SHROOM2: variants seen among roughly 807,000 people sequenced by gnomAD.
SHROOM2 encodes shroom family member 2, also known as protein Shroom2.
SHROOM2 carries 33 observed loss-of-function variants against 75.9 expected under a neutral mutation model. The observed-to-expected ratio is 0.43, with a 90% CI of 0.33 to 0.58. The LOEUF (loss-of-function observed/expected upper bound fraction) is 0.58, where lower values mean the gene tolerates loss of function less well. Among genes scored for constraint, SHROOM2 ranks in the 20% least tolerant of loss-of-function variants. The pLI, the probability that SHROOM2 is intolerant of heterozygous loss-of-function variation, is 0.04. For synonymous variants in SHROOM2, 655 were observed against 663.6 expected, an observed-to-expected ratio of 0.99 and a Z score of 0.20; for missense variants, 1,434 against 1,461.2, an observed-to-expected ratio of 0.98 and a Z score of 0.30.
intron 5 of SHROOM2, among the ~76,000 whole-genome samples, chrX:9,928,200 C>G (rs2084613587): frequency 8.9e-6 from 1 of 112,299 alleles, no homozygotes; most frequent in Non-Finnish European, 1.9e-5. Flanking sequence ...CTCCATGTAG[C>G]AGATCTCTGA....
chrX:9,907,688 G>T (rs2084398942), intron 5 of SHROOM2, among the ~76,000 whole-genome samples: 1 of 111,966 alleles, frequency 8.9e-6, no homozygotes, highest in Non-Finnish European at 1.9e-5. Flanking sequence ...AGATATTGAT[G>T]ACTCAACAGA....
chrX:9,898,343 C>G (rs2084346716), intron 5 of SHROOM2, 53 bp downstream of exon 5: 2 of 930,476 alleles, frequency 2.1e-6, no homozygotes, highest in Middle Eastern at 2.8e-4. Flanking sequence ...GGGTGGGCTT[C>G]TGTACGATGG....
At chrX:9,881,119 G>A (rs920693408) in intron 2 of SHROOM2, among the ~76,000 whole-genome samples, 2 of 110,994 alleles carry the variant, frequency 1.8e-5, no homozygotes, top group African/African-American at 6.6e-5. Flanking sequence ...GAGTAGTTCC[G>A]ACGTCCAGAC....
At chrX:9,938,045 G>A (rs2084732726) in intron 7 of SHROOM2, among the ~76,000 whole-genome samples, 2 of 110,805 alleles carry the variant, frequency 1.8e-5, no homozygotes, top group Admixed American at 9.6e-5. Flanking sequence ...CTGTGGGGAG[G>A]GGTGTTCCAA....
intron 1 of SHROOM2, among the ~76,000 whole-genome samples, chrX:9,848,557 T>C (rs2084020673): frequency 1.0e-5 from 1 of 100,256 alleles, no homozygotes; most frequent in Admixed American, 1.1e-4. Flanking sequence ...AGTATCTAAG[T>C]ATTTAAGTTC....
At chrX:9,873,588 G>T in intron 1 of SHROOM2, 64 bp from the exon 2 acceptor site, 7 of 1,171,032 alleles carry the variant, frequency 6.0e-6, no homozygotes, top group Non-Finnish European at 8.1e-6. Context: ...GCGTTCCGAG[G>T]ACCTGCTCTG....
intron 1 of SHROOM2, among the ~76,000 whole-genome samples, chrX:9,822,055 CA>C (rs1413138072): frequency 8.9e-6 from 1 of 112,633 alleles, no homozygotes; most frequent in African/African-American, 3.2e-5. Context: ...TGTTAGAGCC[CA>C]TCCTGGGGCA....
chrX:9,945,069 A>G (rs1200819828), intron 9 of SHROOM2, among the ~76,000 whole-genome samples, 156 bp downstream of exon 9: 2 of 107,877 alleles, frequency 1.9e-5, no homozygotes, highest in Non-Finnish European at 3.8e-5. Flanking sequence ...TGCACGCTCT[A>G]TACCCTCTCC....
At chrX:9,810,323 A>G (rs929342028) in intron 1 of SHROOM2, among the ~76,000 whole-genome samples, 1 of 110,503 alleles carries the variant, frequency 9.0e-6, no homozygotes, top group African/African-American at 3.3e-5. Context: ...TGTCCCCTTG[A>G]CCTTAATCAC....
intron 5 of SHROOM2, among the ~76,000 whole-genome samples, chrX:9,927,127 TC>T (rs1214396978): frequency 9.1e-6 from 1 of 109,872 alleles, no homozygotes; most frequent in Non-Finnish European, 1.9e-5. Flanking sequence ...GGCAAAAGGA[TC>T]ACTTGAGCCC....
intron 1 of SHROOM2, among the ~76,000 whole-genome samples, chrX:9,830,889 G>C (rs1044902730): frequency 8.9e-6 from 1 of 111,830 alleles, no homozygotes; most frequent in Non-Finnish European, 1.9e-5. Flanking sequence ...ACAACCCCTA[G>C]TTTCTTAGAT....
At position 9,949,360 on chromosome X, in the gene SHROOM2, T is replaced by G. The variant is rs751829849; in HGVS notation, c.*2423T>G. ...GTCCACCACAGCAAATGTGTGTAGA[T>G]TTCATGCTCGACACTTACCACTCAC... On this transcript the variant is annotated 3_prime_UTR_variant, in exon 10 of 10. Coordinates refer to ENST00000380913, the MANE Select transcript of SHROOM2 (RefSeq NM_001649.4). 1 of 330,811 alleles carries G rather than the reference T, an allele frequency of 3.0e-6. No homozygotes were observed. The highest frequency in any genetic ancestry group is 2.6e-5 in the South Asian group (1 of 38,508). The allele number at this position is 330,811 out of a possible 1,213,427, so 27.3% of individuals were successfully genotyped here. A position where few individuals can be genotyped will look rare whatever the true frequency, so the allele number is the denominator to read the frequency against.
chrX:9,889,398 G>A (rs559699266), intron 2 of SHROOM2, among the ~76,000 whole-genome samples: 3 of 112,346 alleles, frequency 2.7e-5, no homozygotes, highest in African/African-American at 3.2e-5. Context: ...AAAGAGGCCC[G>A]CTTGAGCTCG....
chrX:9,851,241 T>A (rs764958941), intron 1 of SHROOM2, among the ~76,000 whole-genome samples: 43 of 110,949 alleles, frequency 3.9e-4, no homozygotes, highest in African/African-American at 1.1e-3. Context: ...ACTCATGGCG[T>A]CAAGCAGTCC....
Position 9,792,493 on chromosome X carries a change from C to T in SHROOM2, c.165+5783C>T, listed in dbSNP as rs374448088. On this transcript the variant is annotated intron_variant, in intron 1 of 9. Coordinates refer to ENST00000380913, the MANE Select transcript of SHROOM2 (RefSeq NM_001649.4). The stretch of plus-strand genomic sequence containing the variant: ...TGTTGTTGTTGTTGTTTTAAATCCC[C>T]AGCGTATTAAGTTGCAGGCAATGAG... Among the ~76,000 whole-genome samples, 11 of 106,627 alleles carry T rather than the reference C, an allele frequency of 1.0e-4. No individual in the cohort carries two copies. The East Asian group carries it at 2.9e-3, about 28-fold the overall frequency. 92.6% of individuals were successfully genotyped at this position (106,627 alleles called of 115,157 possible).
chrX:9,907,462 C>G (rs1026688747), intron 5 of SHROOM2, among the ~76,000 whole-genome samples: 4 of 111,128 alleles, frequency 3.6e-5, no homozygotes, highest in Non-Finnish European at 7.5e-5. Flanking sequence ...CCTCAGATCA[C>G]TTCCGGAATC....
chrX:9,828,361 G>C (rs989202813), intron 1 of SHROOM2, among the ~76,000 whole-genome samples: 1 of 112,236 alleles, frequency 8.9e-6, no homozygotes, highest in Non-Finnish European at 1.9e-5. Flanking sequence ...GGGCCTTCTC[G>C]AAGGATGCTT....
chrX:9,888,249 T>TCCTCAGTCTTC (rs377369044), intron 2 of SHROOM2, among the ~76,000 whole-genome samples: 2 of 111,995 alleles, frequency 1.8e-5, no homozygotes, highest in African/African-American at 6.5e-5. Context: ...CCTCAGTCTT[T>TCCTCAGTCTTC]TTCCACGTTG....
At chrX:9,789,526 G>A (rs2083635871) in intron 1 of SHROOM2, among the ~76,000 whole-genome samples, 1 of 111,349 alleles carries the variant, frequency 9.0e-6, no homozygotes, top group African/African-American at 3.3e-5. Flanking sequence ...TAGAGATGGT[G>A]GATATATGTG....
Sources: allele counts gnomAD v4.1 joint callset (sites outside exome capture counted in the v4.1 genomes callset), GRCh38; gene constraint gnomAD v4.1.1; transcripts MANE v1.5; gene names NCBI Gene and HGNC (gene_info 2026-07-23, HGNC 2026-07-21).